RAB11FIP3: variants seen among roughly 807,000 people sequenced by gnomAD.
The protein encoded by RAB11FIP3 is RAB11 family interacting protein 3.
Under a neutral mutation model 77.8 loss-of-function variants are expected in RAB11FIP3, and 17 were observed. The observed-to-expected ratio is 0.22, with a 90% CI of 0.15 to 0.33. RAB11FIP3 has a LOEUF of 0.33. Among genes scored for constraint, RAB11FIP3 ranks in the 10% least tolerant of loss-of-function variants. The pLI, the probability that RAB11FIP3 is intolerant of heterozygous loss-of-function variation, is 1.00. For synonymous variants in RAB11FIP3, 437 were observed against 448.2 expected (o/e 0.98, Z 0.31); for missense variants, 1,005 against 1,011.2 (o/e 0.99, Z 0.08).
intron 3 of RAB11FIP3, chr16:474,887 A>T: frequency 6.7e-7 from 1 of 1,487,144 alleles, no homozygotes; most frequent in Non-Finnish European, 9.0e-7. Context: ...ACTTTCTCCT[A>T]GGTGGTGATG....
At chr16:497,779 G>A (rs2031251046) in intron 6 of RAB11FIP3, among the ~76,000 whole-genome samples, 1 of 152,156 alleles carries the variant, frequency 6.6e-6, no homozygotes, top group East Asian at 1.9e-4. Flanking sequence ...ATAAACTTGA[G>A]CTTGGGTTGG....
intron 2 of RAB11FIP3, among the ~76,000 whole-genome samples, chr16:466,515 C>T (rs754899731): frequency 1.3e-5 from 2 of 152,142 alleles, no homozygotes; most frequent in Non-Finnish European, 1.5e-5. Context: ...GGGAGATGCC[C>T]ACCAAGCAAA....
intron 1 of RAB11FIP3, among the ~76,000 whole-genome samples, chr16:438,983 G>A (rs1347369479): frequency 2.6e-5 from 4 of 152,270 alleles, no homozygotes; most frequent in East Asian, 3.9e-4. Flanking sequence ...CGCCGCGCCC[G>A]GCTAAAACAT....
Position 520,568 on chromosome 16 carries a change from C to T in RAB11FIP3, c.2126C>T (p.Ala709Val). ...TCCACAGCCTTCTCTGAGTCCCTGG[C>T]TGCAGAGATCAGCTCCGTCTCCCGA... ...LFSTAFSESL[A>V]AEISSVSRDE... Residue 709 changes from alanine to valine, a missense_variant, in exon 13 of 14, where the codon GCT (alanine) becomes GTT (valine). Ala to Val is a moderately conservative substitution (Grantham distance 64). This residue lies in a region of RAB11FIP3 where 90 missense variants were observed against 129.7 expected (regional missense o/e 0.69). Coordinates refer to ENST00000262305, the MANE Select transcript of RAB11FIP3 (RefSeq NM_014700.4). The T allele has an allele frequency of 6.2e-7, 1 of 1,613,642 alleles. No individual in the cohort carries two copies. The highest frequency in any genetic ancestry group is 8.5e-7 in the Non-Finnish European group (1 of 1,180,012).
intron 1 of RAB11FIP3, among the ~76,000 whole-genome samples, chr16:431,256 T>C (rs969756911): frequency 7.9e-5 from 12 of 152,162 alleles, no homozygotes; most frequent in Non-Finnish European, 1.3e-4. Context: ...GTATTCTGGG[T>C]CTACATGCTG....
chr16:462,775 GTCCCTTCCCCAGCACCA>G (rs2055634953), intron 2 of RAB11FIP3, among the ~76,000 whole-genome samples: 1 of 36,978 alleles, frequency 2.7e-5, no homozygotes, highest in Admixed American at 3.5e-4. Context: ...CCCCAGCACC[GTCCCTTCCCCAGCACCA>G]TCCCTTCCCC....
chr16:454,876 G>A (rs1421687464), intron 1 of RAB11FIP3, among the ~76,000 whole-genome samples: 1 of 151,372 alleles, frequency 6.6e-6, no homozygotes, highest in Non-Finnish European at 1.5e-5. Context: ...ATGGCAAAAC[G>A]ACGTCTCTAC....
chr16:517,434 G>A (rs919156823), intron 9 of RAB11FIP3, among the ~76,000 whole-genome samples: 2 of 152,154 alleles, frequency 1.3e-5, no homozygotes, highest in African/African-American at 2.4e-5. Context: ...CACGTGTGGT[G>A]GGGCACACGT....
intron 2 of RAB11FIP3, among the ~76,000 whole-genome samples, chr16:462,100 G>T (rs557510664): frequency 6.6e-6 from 1 of 152,350 alleles, no homozygotes; most frequent in South Asian, 2.1e-4. Context: ...CTGGCAGTGC[G>T]GAGCCTGTCA....
At chr16:520,649 C>G in intron 13 of RAB11FIP3, 50 bp downstream of exon 13, 1 of 1,610,382 alleles carries the variant, frequency 6.2e-7, no homozygotes, top group Non-Finnish European at 8.5e-7. Flanking sequence ...ACAGTCTGCA[C>G]TGTCTGTGCG....
chr16:521,399 G>C lies in RAB11FIP3; in HGVS notation c.*560G>C, dbSNP rs544733197. 1 of 156,900 alleles carries C rather than the reference G, an allele frequency of 6.4e-6. No homozygotes were observed. Among genetic ancestry groups the C allele is most frequent in the African/African-American group, 2.4e-5 (1 of 41,524 alleles). The allele number at this position is 156,900 out of a possible 1,614,324, so 9.7% of individuals were successfully genotyped here. On this transcript the variant is annotated 3_prime_UTR_variant, in exon 14 of 14. Transcript: ENST00000262305. ...TGACGGGCTCCCAGACCCTCACCTC[G>C]GACATGGTGGTGGGGGAAGGACGGG...
At chr16:469,571 G>A (rs1393841814) in intron 2 of RAB11FIP3, among the ~76,000 whole-genome samples, 2 of 151,200 alleles carry the variant, frequency 1.3e-5, no homozygotes, top group African/African-American at 2.4e-5. Context: ...AATTGTTTTT[G>A]TGGAGATGGG....
intron 1 of RAB11FIP3, among the ~76,000 whole-genome samples, chr16:446,481 G>C (rs527267268): frequency 6.6e-6 from 1 of 152,288 alleles, no homozygotes; most frequent in East Asian, 1.9e-4. Context: ...CTTTGGCACT[G>C]CCTGCAGATC....
chr16:510,526 G>A lies in RAB11FIP3; in HGVS notation c.1500-134G>A, dbSNP rs1369488533. 4 of 1,037,728 alleles carry A rather than the reference G, an allele frequency of 3.9e-6. No individual in the cohort carries two copies. In the East Asian group the frequency reaches 7.9e-5, roughly 20 times the overall value. 64.3% of individuals were successfully genotyped at this position (1,037,728 alleles called of 1,614,324 possible). A position where few individuals can be genotyped will look rare whatever the true frequency, so the allele number is the denominator to read the frequency against. On this transcript the variant is annotated intron_variant, in intron 8 of 13. Transcript: ENST00000262305. ...TCAGAACTGCCTTGACCAGAGCTCG[G>A]GGATGCCCTTCTCGGTGCCCTACTC...
rs907173511 is a variant in RAB11FIP3 at position 434,789 on chromosome 16, C to T, written c.714+8069C>T. Among the ~76,000 whole-genome samples, 5 of 152,166 alleles carry T rather than the reference C, an allele frequency of 3.3e-5. No individual in the cohort carries two copies. In the East Asian group the frequency reaches 5.8e-4, roughly 18 times the overall value. ...TTCAGAATTGTTAAGGATGGCCGGACGCAGTGGCTCACACCTGTAATCCCA... is the reference window on the plus strand; with the variant it reads ...TTCAGAATTGTTAAGGATGGCCGGATGCAGTGGCTCACACCTGTAATCCCA... On this transcript the variant is annotated intron_variant, in intron 1 of 13. Transcript: ENST00000262305.
intron 1 of RAB11FIP3, among the ~76,000 whole-genome samples, chr16:450,849 C>T (rs1273044597): frequency 5.1e-5 from 7 of 136,238 alleles, no homozygotes; most frequent in Non-Finnish European, 9.6e-5. Flanking sequence ...GCCCCCCACC[C>T]CACCCCACCC....
At chr16:433,349 G>A (rs1048567454) in intron 1 of RAB11FIP3, among the ~76,000 whole-genome samples, 81 of 147,256 alleles carry the variant, frequency 5.5e-4, no homozygotes, top group African/African-American at 1.9e-3. Context: ...ACCATTAACC[G>A]TGCTCTTTAC....
chr16:499,629 CTACTAAAAA>C (rs1454734345), intron 6 of RAB11FIP3, among the ~76,000 whole-genome samples: 1 of 151,894 alleles, frequency 6.6e-6, no homozygotes, highest in Non-Finnish European at 1.5e-5. Flanking sequence ...AACCCCGTCT[CTACTAAAAA>C]TACAAAAATT....
intron 4 of RAB11FIP3, among the ~76,000 whole-genome samples, chr16:487,494 T>C (rs1433343385): frequency 6.6e-6 from 1 of 152,092 alleles, no homozygotes; most frequent in Admixed American, 6.6e-5. Flanking sequence ...GTGGTGGGCA[T>C]TTCTGCGGGT....
Sources: gnomAD v4.1 joint callset for allele counts (sites outside exome capture counted in the v4.1 genomes callset) on GRCh38, gnomAD v4.1.1 for gene constraint, gnomAD v4.1.1 regional missense constraint, MANE v1.5 for transcripts, NCBI Gene and HGNC (gene_info 2026-07-23, HGNC 2026-07-21) for gene names.